Variants in SERBP1 observed in about 807,000 individuals in gnomAD.
The protein encoded by SERBP1 is SERPINE1 mRNA binding protein 1.
In SERBP1, 6 loss-of-function variants were observed where a neutral mutation model predicts 50.2. That is an observed-to-expected ratio of 0.12 (90% CI 0.07 to 0.24). The LOEUF (loss-of-function observed/expected upper bound fraction) is 0.24, where lower values mean the gene tolerates loss of function less well. Among genes scored for constraint, SERBP1 ranks in the 10% least tolerant of loss-of-function variants. SERBP1 has a pLI of 1.00. For synonymous variants in SERBP1, 168 were observed against 182.8 expected (o/e 0.92, Z 0.65); for missense variants, 346 against 524.9 (o/e 0.66, Z 3.33).
chr1:67,415,889 C>A (rs1041362629), intron 6 of SERBP1, among the ~76,000 whole-genome samples: 1 of 152,076 alleles, frequency 6.6e-6, no homozygotes, highest in African/African-American at 2.4e-5. Flanking sequence ...ACAACCACTA[C>A]GTTTTTCTAC....
chr1:67,424,541 T>TA (rs1667308282), intron 4 of SERBP1: 1 of 500,654 alleles, frequency 2.0e-6, no homozygotes, highest in Admixed American at 3.8e-5. Context: ...AAATGAAGCT[T>TA]TACTAGCTTA....
chr1:67,424,340 A>G, intron 4 of SERBP1, 63 bp from the exon 5 acceptor site: 1 of 1,581,598 alleles, frequency 6.3e-7, no homozygotes, highest in Non-Finnish European at 8.6e-7. Context: ...AAGAAAGAAA[A>G]AGAAAGGCAT....
chr1:67,413,369 C>A, intron 7 of SERBP1, 106 bp from the exon 8 acceptor site: 1 of 1,059,842 alleles, frequency 9.4e-7, no homozygotes, highest in South Asian at 1.8e-5. Flanking sequence ...TTACTGTTGG[C>A]CAGGCACAGT....
intron 6 of SERBP1, among the ~76,000 whole-genome samples, chr1:67,415,862 G>A (rs1666987820): frequency 6.6e-6 from 1 of 152,130 alleles, no homozygotes; most frequent in Non-Finnish European, 1.5e-5. Flanking sequence ...CTTCTCAGAA[G>A]CATTTTCTGT....
Position 67,425,099 on chromosome 1 carries a change from T to C in SERBP1, c.589A>G (p.Ser197Gly), listed in dbSNP as rs1306493287. ...SRGKREFDRH[S>G]GSDRSSFSHY... ...AAGACTTACGATCTATCACTTCCAC[T>C]ATGCCTATCAAATTCACGTTTGCCA... The change falls in exon 3 of 8, where the codon AGT becomes GGT. Residue 197 changes from serine (S) to glycine (G), a missense_variant. Physicochemically the swap from Ser to Gly is moderately conservative, Grantham distance 56. Transcript: ENST00000361219. The C allele has an allele frequency of 6.2e-7, 1 of 1,611,190 alleles. No individual in the cohort carries two copies. The highest frequency in any genetic ancestry group is 1.3e-5 in the African/African-American group (1 of 74,936).
Position 67,411,886 on chromosome 1 carries a change from T to C in SERBP1, c.*1321A>G, listed in dbSNP as rs1022786592. ...AAAACTTTTTTAATTCATCATTCTA[T>C]GTGTGTTTTAATAAGTGGTGATGCT... On this transcript the variant is annotated 3_prime_UTR_variant, in exon 8 of 8. Transcript: ENST00000361219. 2.6e-5 allele frequency: 4 copies of C among 152,284 alleles called. No individual in the cohort carries two copies. Among genetic ancestry groups the C allele is most frequent in the African/African-American group, 7.2e-5 (3 of 41,452 alleles). 9.4% of individuals were successfully genotyped at this position (152,284 alleles called of 1,614,324 possible).
At position 67,430,044 on chromosome 1, in the gene SERBP1, A is replaced by G. The variant is rs139740342; in HGVS notation, c.257T>C (p.Val86Ala). The change falls in exon 1 of 8, where the codon GTT becomes GCT. Residue 86 changes from valine (V) to alanine (A), a missense_variant. Coordinates refer to ENST00000361219, the MANE Select transcript of SERBP1 (RefSeq NM_001018069.2). ...KDRKNPLPPS[V>A]GVVDKKEETQ... is the part of the protein sequence containing the mutation. ...CTCCTCTTTCTTGTCAACCACGCCA[A>G]CGCTGGGGGGCAGCGGGTTCTTGCG... is the stretch of plus-strand genomic sequence containing the variant. 1.3e-3 allele frequency: 2,168 copies of G among 1,613,374 alleles called. 3 individuals carry two copies. The highest frequency in any genetic ancestry group is 1.8e-3 in the Non-Finnish European group (2,074 of 1,179,716).
intron 5 of SERBP1, among the ~76,000 whole-genome samples, chr1:67,421,985 C>T (rs1288499868): frequency 6.6e-6 from 1 of 152,162 alleles, no homozygotes; most frequent in African/African-American, 2.4e-5. Context: ...CTTAACGTTG[C>T]ATAGGGTTCA....
intron 5 of SERBP1, among the ~76,000 whole-genome samples, chr1:67,421,487 T>C (rs1026011198): frequency 3.9e-5 from 6 of 152,224 alleles, no homozygotes; most frequent in Non-Finnish European, 8.8e-5. Flanking sequence ...TGGAATAAGA[T>C]TACAGACAGT....
intron 6 of SERBP1, among the ~76,000 whole-genome samples, chr1:67,419,004 C>A (rs999669355): frequency 6.6e-6 from 1 of 152,182 alleles, no homozygotes; most frequent in African/African-American, 2.4e-5. Context: ...GGAAGCCGCA[C>A]TGAAACATTC....
At chr1:67,422,385 C>T (rs1174516817) in intron 5 of SERBP1, among the ~76,000 whole-genome samples, 1 of 151,966 alleles carries the variant, frequency 6.6e-6, no homozygotes, top group East Asian at 1.9e-4. Flanking sequence ...GTGGCACATG[C>T]CTGTAATCCC....
intron 1 of SERBP1, among the ~76,000 whole-genome samples, chr1:67,429,265 C>T (rs543678446): frequency 2.0e-5 from 3 of 152,320 alleles, no homozygotes; most frequent in Admixed American, 6.5e-5. Context: ...GGACGTTCCT[C>T]GGGATGTCCT....
chr1:67,408,844 A>C lies in SERBP1; in HGVS notation c.*4363T>G, dbSNP rs1201516548. ...AAAAATAATAAAACATGTTTTACTA[A>C]CAAGTTTTATCTTGCCCTTACTTTG... On this transcript the variant is annotated 3_prime_UTR_variant, in exon 8 of 8. Coordinates refer to ENST00000361219, the MANE Select transcript of SERBP1 (RefSeq NM_001018069.2). The C allele has an allele frequency of 6.6e-6, 1 of 152,216 alleles. No homozygotes were observed. The highest frequency in any genetic ancestry group is 1.5e-5 in the Non-Finnish European group (1 of 68,036). The allele number at this position is 152,216 out of a possible 1,614,324, so 9.4% of individuals were successfully genotyped here. A position where few individuals can be genotyped will look rare whatever the true frequency, so the allele number is the denominator to read the frequency against.
chr1:67,418,217 C>T (rs1256457451), intron 6 of SERBP1, among the ~76,000 whole-genome samples: 8 of 151,430 alleles, frequency 5.3e-5, no homozygotes, highest in Non-Finnish European at 1.2e-4. Context: ...TCAGGTGATC[C>T]GCCCGCCTCA....
chr1:67,413,356 A>G (rs1666899898), intron 7 of SERBP1, 93 bp from the exon 8 acceptor site: 1 of 1,218,992 alleles, frequency 8.2e-7, no homozygotes, highest in African/African-American at 1.6e-5. Flanking sequence ...CTCTAAAAAA[A>G]TCTTACTGTT....
At position 67,415,153 on chromosome 1, in the gene SERBP1, A is replaced by G; in HGVS notation, c.1125+13T>C. 2 of 1,558,336 alleles carry G rather than the reference A, an allele frequency of 1.3e-6. No individual in the cohort carries two copies. Among genetic ancestry groups the G allele is most frequent in the African/African-American group, 1.4e-5 (1 of 72,218 alleles). On this transcript the variant is annotated intron_variant, in intron 7 of 7. Transcript: ENST00000361219. ...CTTAAATTATGTAAAAGGAAAAGAAAGTCTTAAATTACCTTGTCGGTCCTG... is the reference window on the plus strand; with the variant it reads ...CTTAAATTATGTAAAAGGAAAAGAAGGTCTTAAATTACCTTGTCGGTCCTG...
rs1406419168 is a variant in SERBP1 at position 67,408,902 on chromosome 1, T to C, written c.*4305A>G. 6.6e-6 allele frequency: 1 copy of C among 152,176 alleles called. No individual in the cohort carries two copies. Among genetic ancestry groups the C allele is most frequent in the Non-Finnish European group, 1.5e-5 (1 of 68,026 alleles). The allele number at this position is 152,176 out of a possible 1,614,324, so 9.4% of individuals were successfully genotyped here. On this transcript the variant is annotated 3_prime_UTR_variant, in exon 8 of 8. Coordinates refer to ENST00000361219, the MANE Select transcript of SERBP1 (RefSeq NM_001018069.2). Reference sequence around the variant, plus strand: ...AGAGGTGTAAAGTATGCTTTAAAATTACTTCTAATTTCACAGCTTCCTGTT... The same window carrying C: ...AGAGGTGTAAAGTATGCTTTAAAATCACTTCTAATTTCACAGCTTCCTGTT...
At chr1:67,419,797 T>C (rs533021264) in intron 6 of SERBP1, 6 of 545,054 alleles carry the variant, frequency 1.1e-5, no homozygotes, top group Admixed American at 7.2e-5. Context: ...CTCTACCACA[T>C]AAAACATAAT....
chr1:67,429,975 G>A lies in SERBP1; in HGVS notation c.313+13C>T, dbSNP rs377180181. 9 of 1,589,884 alleles carry A rather than the reference G, an allele frequency of 5.7e-6. No individual in the cohort carries two copies. The African/African-American group carries it at 1.2e-4, about 21-fold the overall frequency. ...TCCATCCCAGTCTCCCCCACATTCTGCCCCTGCTTTACCTTCTTTCTTAAG... is the reference window on the plus strand; with the variant it reads ...TCCATCCCAGTCTCCCCCACATTCTACCCCTGCTTTACCTTCTTTCTTAAG... On this transcript the variant is annotated intron_variant, in intron 1 of 7. Coordinates refer to ENST00000361219, the MANE Select transcript of SERBP1 (RefSeq NM_001018069.2).
Sources: allele counts gnomAD v4.1 joint callset (sites outside exome capture counted in the v4.1 genomes callset), GRCh38; gene constraint gnomAD v4.1.1; transcripts MANE v1.5; gene names NCBI Gene and HGNC (gene_info 2026-07-23, HGNC 2026-07-21).